NXPH1: variants seen among roughly 807,000 people sequenced by gnomAD.
NXPH1 encodes neurexophilin-1.
In NXPH1, 5 loss-of-function variants were observed where a neutral mutation model predicts 23.7. That is an observed-to-expected ratio of 0.21 (90% confidence interval 0.11 to 0.44). The LOEUF (loss-of-function observed/expected upper bound fraction) is 0.44. Ranked by LOEUF, NXPH1 falls within the 20% of genes least tolerant of loss-of-function variation. The pLI is 0.99. For missense variants in NXPH1, 324 were observed against 321.6 expected, an observed-to-expected ratio of 1.01 and a Z score of -0.06; for synonymous variants, 144 against 122.2, an observed-to-expected ratio of 1.18 and a Z score of -1.18.
intron 2 of NXPH1, among the ~76,000 whole-genome samples, chr7:8,562,213 A>C (rs1818457096): frequency 6.6e-6 from 1 of 151,712 alleles, no homozygotes; most frequent in Non-Finnish European, 1.5e-5. Context: ...ATTATACGTC[A>C]GCTTCCTCCC....
At chr7:8,576,332 A>C (rs1431492072) in intron 2 of NXPH1, among the ~76,000 whole-genome samples, 1 of 152,196 alleles carries the variant, frequency 6.6e-6, no homozygotes, top group African/African-American at 2.4e-5. Context: ...AGTGAGGAGA[A>C]TGTGGCAATC....
chr7:8,571,018 T>TATCTAATCTA (rs35589510), intron 2 of NXPH1, among the ~76,000 whole-genome samples: 104 of 145,980 alleles, frequency 7.1e-4, no homozygotes, highest in African/African-American at 1.4e-3. Context: ...TCTGTCTGTC[T>TATCTAATCTA]ATCTAATCTA....
Position 8,538,896 on chromosome 7 carries a change from A to T in NXPH1, c.54+103129A>T, listed in dbSNP as rs548067265. On this transcript the variant is annotated intron_variant, in intron 2 of 2. Transcript: ENST00000405863. Reference sequence around the variant, plus strand: ...AGGCATTTAAGAGGGTGGGCAGGAAAGAGATGAAATTAGCAGACTATCCAA... The same window carrying T: ...AGGCATTTAAGAGGGTGGGCAGGAATGAGATGAAATTAGCAGACTATCCAA... Among the ~76,000 whole-genome samples the T allele has an allele frequency of 3.6e-4, 54 of 152,052 alleles. 1 individual carries two copies. Among genetic ancestry groups the T allele is most frequent in the Non-Finnish European group, 5.9e-5 (4 of 67,878 alleles).
chr7:8,452,060 A>C (rs998575328), intron 2 of NXPH1, among the ~76,000 whole-genome samples: 1 of 152,160 alleles, frequency 6.6e-6, no homozygotes, highest in African/African-American at 2.4e-5. Flanking sequence ...CTGATTAGCC[A>C]CTCAGATGTC....
intron 2 of NXPH1, among the ~76,000 whole-genome samples, chr7:8,446,203 G>C (rs1816399940): frequency 6.6e-6 from 1 of 152,192 alleles, no homozygotes; most frequent in African/African-American, 2.4e-5. Flanking sequence ...GAGTGAGTTT[G>C]ACAATGTAAT....
In NXPH1 at chr7:8,580,700, T is replaced by G. The variant is rs1394605740; in HGVS notation, c.54+144933T>G. Among the ~76,000 whole-genome samples, 3 of 151,840 alleles carry G rather than the reference T, an allele frequency of 2.0e-5. No individual in the cohort carries two copies. The East Asian group carries it at 5.8e-4, about 29-fold the overall frequency. Reference sequence around the variant, plus strand: ...AGTTCCCTGACACCCAAGCTGAATCTGCGGCATTCATGCAGGCTGAGTTGT... The same window carrying G: ...AGTTCCCTGACACCCAAGCTGAATCGGCGGCATTCATGCAGGCTGAGTTGT... On this transcript the variant is annotated intron_variant, in intron 2 of 2. Coordinates refer to ENST00000405863, the MANE Select transcript of NXPH1 (RefSeq NM_152745.3).
chr7:8,524,341 C>T (rs1361392676), intron 2 of NXPH1, among the ~76,000 whole-genome samples: 1 of 151,538 alleles, frequency 6.6e-6, no homozygotes, highest in African/African-American at 2.4e-5. Flanking sequence ...AATATATATC[C>T]TCTTAAGGCT....
At chr7:8,743,776 C>G (rs538468539) in intron 2 of NXPH1, among the ~76,000 whole-genome samples, 3 of 151,690 alleles carry the variant, frequency 2.0e-5, no homozygotes, top group South Asian at 2.1e-4. Flanking sequence ...CTCCGCCTCC[C>G]GAGTTCATGC....
chr7:8,487,015 C>A (rs983123693), intron 2 of NXPH1, among the ~76,000 whole-genome samples: 1 of 152,058 alleles, frequency 6.6e-6, no homozygotes, highest in African/African-American at 2.4e-5. Flanking sequence ...CATATAAGAA[C>A]AAGAACCTAT....
At position 8,655,752 on chromosome 7, in the gene NXPH1, G is replaced by C. The variant is rs143886293; in HGVS notation, c.55-95256G>C. Among the ~76,000 whole-genome samples the C allele has an allele frequency of 1.7e-3, 257 of 152,190 alleles. 1 individual carries two copies. The highest frequency in any genetic ancestry group is 5.9e-3 in the African/African-American group (247 of 41,536). On this transcript the variant is annotated intron_variant, in intron 2 of 2. Coordinates refer to ENST00000405863, the MANE Select transcript of NXPH1 (RefSeq NM_152745.3). ...TTCACAGGCAGCCAGGCAAAATAAG[G>C]ATCTGTTTTTTCAGACTCTTGCCTT...
intron 2 of NXPH1, among the ~76,000 whole-genome samples, chr7:8,645,379 T>C (rs146260156): frequency 2.2e-3 from 329 of 152,254 alleles, no homozygotes; most frequent in African/African-American, 7.3e-3. Flanking sequence ...TTGTATTTCA[T>C]TGGGCTTTTC....
chr7:8,550,156 A>G (rs927549322), intron 2 of NXPH1, among the ~76,000 whole-genome samples: 39 of 151,660 alleles, frequency 2.6e-4, no homozygotes, highest in African/African-American at 8.7e-4. Context: ...CAAGCTTGTG[A>G]CTCTCACTCT....
At chr7:8,722,479 C>A (rs1305675326) in intron 2 of NXPH1, among the ~76,000 whole-genome samples, 1 of 152,194 alleles carries the variant, frequency 6.6e-6, no homozygotes, top group African/African-American at 2.4e-5. Context: ...CTGGGAAGAT[C>A]TGTGCACAAG....
At chr7:8,703,584 CAATT>C (rs1337117929) in intron 2 of NXPH1, among the ~76,000 whole-genome samples, 2 of 151,904 alleles carry the variant, frequency 1.3e-5, no homozygotes, top group Non-Finnish European at 2.9e-5. Flanking sequence ...CAGTGGCGCT[CAATT>C]AAATTATTAT....
chr7:8,735,824 G>T (rs147767167), intron 2 of NXPH1, among the ~76,000 whole-genome samples: 21,195 of 152,078 alleles, frequency 0.14, 1,736 homozygotes, highest in East Asian at 0.33. Context: ...CTCATTATTG[G>T]TCTATTCAGG....
rs116621586 is a variant in NXPH1, at chr7:8,576,572, G to C, written c.54+140805G>C. Among the ~76,000 whole-genome samples the C allele has an allele frequency of 1.4e-3, 217 of 152,234 alleles. 1 individual carries two copies. Among genetic ancestry groups the C allele is most frequent in the African/African-American group, 5.1e-3 (211 of 41,526 alleles). ...GACTGTAATGTAGGACTGAAGGAAG[G>C]CTGCAGCCTTCTTTCACACGTAGGC... On this transcript the variant is annotated intron_variant, in intron 2 of 2. Coordinates refer to ENST00000405863, the MANE Select transcript of NXPH1 (RefSeq NM_152745.3).
At position 8,598,851 on chromosome 7, in the gene NXPH1, C is replaced by A. The variant is rs150355881; in HGVS notation, c.55-152157C>A. Among the ~76,000 whole-genome samples, 676 of 152,206 alleles carry A rather than the reference C, an allele frequency of 4.4e-3. 5 individuals are homozygous for A. Among genetic ancestry groups the A allele is most frequent in the African/African-American group, 0.015 (638 of 41,536 alleles). On this transcript the variant is annotated intron_variant, in intron 2 of 2. Transcript: ENST00000405863. ...CCTGGTAAGAGTTTTCTGAAGCCAGCCTAATTGCTTCTGATCATTGTATGC... is the reference window on the plus strand; with the variant it reads ...CCTGGTAAGAGTTTTCTGAAGCCAGACTAATTGCTTCTGATCATTGTATGC...
chr7:8,627,598 TGAA>T (rs1273792389), intron 2 of NXPH1, among the ~76,000 whole-genome samples: 8 of 152,076 alleles, frequency 5.3e-5, no homozygotes, highest in Non-Finnish European at 8.8e-5. Context: ...TTACTGACAC[TGAA>T]GAAATGATTA....
chr7:8,633,815 CTG>C (rs1820172844), intron 2 of NXPH1, among the ~76,000 whole-genome samples: 1 of 152,148 alleles, frequency 6.6e-6, no homozygotes, highest in Non-Finnish European at 1.5e-5. Context: ...GATGACAAAA[CTG>C]AGGTCTGCGG....
Sources: gnomAD v4.1 joint callset for allele counts (sites outside exome capture counted in the v4.1 genomes callset) on GRCh38, gnomAD v4.1.1 for gene constraint, MANE v1.5 for transcripts, NCBI Gene and HGNC (gene_info 2026-07-23, HGNC 2026-07-21) for gene names.